Variants in PIK3CB observed in about 807,000 individuals in gnomAD.
PIK3CB encodes phosphatidylinositol 4,5-bisphosphate 3-kinase catalytic subunit beta isoform.
A neutral mutation model predicts 136.8 loss-of-function variants in PIK3CB; 39 were observed. The observed-to-expected ratio is 0.29, with a 90% CI of 0.22 to 0.37. PIK3CB has a LOEUF of 0.37. Ranked by LOEUF, PIK3CB falls within the 10% of genes least tolerant of loss-of-function variation. The probability of loss-of-function intolerance (pLI) is 1.00; values close to 1 mark genes in which losing one functional copy is unlikely to be tolerated. For missense variants in PIK3CB, 868 were observed against 1,275.4 expected (o/e 0.68, Z 4.87); for synonymous variants, 428 against 436.6 (o/e 0.98, Z 0.25).
At chr3:138,787,395 G>A (rs1391347495) in intron 2 of PIK3CB, among the ~76,000 whole-genome samples, 1 of 150,090 alleles carries the variant, frequency 6.7e-6, no homozygotes, top group Non-Finnish European at 1.5e-5. Flanking sequence ...GCTCCTAAAG[G>A]AAAACTTTTC....
intron 16 of PIK3CB, 82 bp downstream of exon 16, chr3:138,688,793 A>G (rs1305260232): frequency 2.6e-6 from 2 of 783,978 alleles, no homozygotes; most frequent in African/African-American, 3.5e-5. Flanking sequence ...ATTGAACATG[A>G]AGATTAAAAC....
intron 11 of PIK3CB, among the ~76,000 whole-genome samples, chr3:138,705,195 A>AAAAC: frequency 7.1e-6 from 1 of 141,268 alleles, no homozygotes; most frequent in Non-Finnish European, 1.5e-5. Flanking sequence ...ACAAACAAAA[A>AAAAC]AAAAAACTTA....
chr3:138,733,885 A>T (rs1453394233), intron 7 of PIK3CB, among the ~76,000 whole-genome samples: 2 of 152,186 alleles, frequency 1.3e-5, no homozygotes, highest in East Asian at 1.9e-4. Flanking sequence ...CTCAAAAAAA[A>T]AATTAATTAA....
chr3:138,662,262 T>A, intron 21 of PIK3CB, among the ~76,000 whole-genome samples: 1 of 96,434 alleles, frequency 1.0e-5, no homozygotes, highest in Admixed American at 1.3e-4. Flanking sequence ...CCCTCCCCGC[T>A]CCCCCCACCC....
At chr3:138,745,318 G>T (rs1174905978) in intron 4 of PIK3CB, among the ~76,000 whole-genome samples, 1 of 152,214 alleles carries the variant, frequency 6.6e-6, no homozygotes. Context: ...AATATCAAAA[G>T]AACCTTAAAA....
intron 13 of PIK3CB, 145 bp from the exon 14 acceptor site, chr3:138,695,052 T>C (rs1463233807): frequency 4.7e-6 from 3 of 642,668 alleles, no homozygotes; most frequent in South Asian, 2.6e-5. Context: ...TTCCTGTTAA[T>C]AGAGACTAAT....
At chr3:138,798,842 G>T (rs185234151) in intron 1 of PIK3CB, among the ~76,000 whole-genome samples, 1 of 151,888 alleles carries the variant, frequency 6.6e-6, no homozygotes, top group African/African-American at 2.4e-5. Context: ...CTTGGAAAAG[G>T]ATATTTTCTC....
chr3:138,827,620 G>C (rs896477498), intron 1 of PIK3CB, among the ~76,000 whole-genome samples: 1 of 151,716 alleles, frequency 6.6e-6, no homozygotes, highest in Admixed American at 6.6e-5. Context: ...TCGAGGTTAC[G>C]GTGAGCTACG....
At chr3:138,700,256 C>T (rs2044222600) in intron 12 of PIK3CB, among the ~76,000 whole-genome samples, 2 of 151,902 alleles carry the variant, frequency 1.3e-5, no homozygotes, top group South Asian at 4.2e-4. Context: ...GTCCGTCCAT[C>T]CATCCATCCA....
chr3:138,734,183 A>G (rs2045051849), intron 7 of PIK3CB, among the ~76,000 whole-genome samples: 1 of 152,208 alleles, frequency 6.6e-6, no homozygotes, highest in South Asian at 2.1e-4. Context: ...CTGAAAAACA[A>G]TAGTGCCCTT....
intron 1 of PIK3CB, chr3:138,825,455 T>C: frequency 1.4e-6 from 1 of 700,186 alleles, no homozygotes; most frequent in Admixed American, 2.0e-5. Context: ...GAGGAAATCA[T>C]TAAGGAAGTC....
chr3:138,771,163 T>C (rs1348706326), intron 2 of PIK3CB, among the ~76,000 whole-genome samples: 4 of 151,840 alleles, frequency 2.6e-5, no homozygotes, highest in African/African-American at 7.3e-5. Context: ...GATGTGTTCA[T>C]GGTGAAGTAT....
intron 5 of PIK3CB, among the ~76,000 whole-genome samples, chr3:138,738,987 T>A (rs1247185661): frequency 6.6e-6 from 1 of 152,230 alleles, no homozygotes; most frequent in African/African-American, 2.4e-5. Flanking sequence ...TTCTGTGTTT[T>A]CTATGAGTTG....
chr3:138,666,567 T>G (rs985297561), intron 19 of PIK3CB, among the ~76,000 whole-genome samples: 9 of 152,208 alleles, frequency 5.9e-5, no homozygotes, highest in Admixed American at 2.6e-4. Context: ...GTAACTTATA[T>G]GAGCTCTTTG....
At chr3:138,684,020 C>G (rs1379789381) in intron 17 of PIK3CB, among the ~76,000 whole-genome samples, 1 of 152,202 alleles carries the variant, frequency 6.6e-6, no homozygotes, top group Admixed American at 6.5e-5. Flanking sequence ...GCCCTTCTCA[C>G]CTTCTCCACT....
chr3:138,729,136 C>T (rs1004127741), intron 8 of PIK3CB, among the ~76,000 whole-genome samples: 1 of 151,984 alleles, frequency 6.6e-6, no homozygotes, highest in Non-Finnish European at 1.5e-5. Flanking sequence ...CAAAAATTAG[C>T]TGGGTGTGGT....
At chr3:138,789,460 A>G (rs976060004) in intron 2 of PIK3CB, among the ~76,000 whole-genome samples, 3 of 152,108 alleles carry the variant, frequency 2.0e-5, no homozygotes, top group East Asian at 1.9e-4. Flanking sequence ...CCCTATCTCA[A>G]AAAAAATAAA....
rs564081872 is a variant in PIK3CB, at chr3:138,818,557, G to A, written c.-122+16138C>T. 3.3e-5 allele frequency among the ~76,000 whole-genome samples: 5 copies of A among 152,198 alleles called. No individual in the cohort carries two copies. The East Asian group carries it at 7.7e-4, about 24-fold the overall frequency. On this transcript the variant is annotated intron_variant, in intron 1 of 23. Coordinates refer to ENST00000674063, the MANE Select transcript of PIK3CB (RefSeq NM_006219.3). Reference sequence around the variant, plus strand: ...TTGTTCCAGTCAAACAACTCTCCAAGATCCTTCCCACAGCCTACAAGGTGC... The same window carrying A: ...TTGTTCCAGTCAAACAACTCTCCAAAATCCTTCCCACAGCCTACAAGGTGC...
chr3:138,779,631 G>A (rs2108784552), intron 2 of PIK3CB, among the ~76,000 whole-genome samples: 1 of 150,490 alleles, frequency 6.6e-6, no homozygotes, highest in Admixed American at 6.6e-5. Context: ...GAACTCAAGT[G>A]ATCCATCTGC....
Sources: gnomAD v4.1 joint callset for allele counts (sites outside exome capture counted in the v4.1 genomes callset) on GRCh38, gnomAD v4.1.1 for gene constraint, MANE v1.5 for transcripts, NCBI Gene and HGNC (gene_info 2026-07-23, HGNC 2026-07-21) for gene names.